Variants in ENTREP2 observed in about 807,000 individuals in gnomAD.
The protein encoded by ENTREP2 is endosomal transmembrane epsin interactor 2, also known as protein ENTREP2.
chr15:29,422,543 T>A, the ENTREP2 span, among the ~76,000 whole-genome samples: 108,683 of 152,066 alleles, frequency 0.71, 39,014 homozygotes, highest in East Asian at 0.89. Context: ...TAAATAAGGG[T>A]AGAGTACAAG....
chr15:29,369,706 G>A, the ENTREP2 span, among the ~76,000 whole-genome samples: 1 of 152,174 alleles, frequency 6.6e-6, no homozygotes, highest in African/African-American at 2.4e-5. Context: ...CTACATGGAT[G>A]CTATGGTTTG....
the ENTREP2 span, among the ~76,000 whole-genome samples, chr15:29,600,902 C>CTTTTTTTTTTTTTTT: frequency 1.6e-5 from 2 of 123,624 alleles, no homozygotes; most frequent in African/African-American, 7.2e-5. Flanking sequence ...ATTTTTCTTT[C>CTTTTTTTTTTTTTTT]TTTTTTTTTT....
chr15:29,200,960 T>C, the ENTREP2 span, among the ~76,000 whole-genome samples: 1 of 152,216 alleles, frequency 6.6e-6, no homozygotes, highest in Non-Finnish European at 1.5e-5. Context: ...GTTTTCAGTG[T>C]ATGTTTTGTT....
At chr15:29,148,731 G>A in the ENTREP2 span, among the ~76,000 whole-genome samples, 13 of 152,152 alleles carry the variant, frequency 8.5e-5, no homozygotes, top group African/African-American at 2.7e-4. Context: ...TCAGTCTGCT[G>A]TGTGGAGTGC....
chr15:29,559,558 C>A, the ENTREP2 span, among the ~76,000 whole-genome samples: 3 of 152,112 alleles, frequency 2.0e-5, no homozygotes, highest in Admixed American at 6.6e-5. Context: ...GGGTCACAAG[C>A]CTCGATCCTC....
chr15:29,570,384 C>T, the ENTREP2 span: 3 of 521,182 alleles, frequency 5.8e-6, no homozygotes, highest in Non-Finnish European at 5.7e-6. Flanking sequence ...TGCAGCTACT[C>T]GGCCCCGGCG....
chr15:29,310,358 A>AC, the ENTREP2 span, among the ~76,000 whole-genome samples: 6 of 152,064 alleles, frequency 3.9e-5, no homozygotes, highest in Non-Finnish European at 7.4e-5. Flanking sequence ...CAACCAAGAA[A>AC]GAAAGGGCCA....
the ENTREP2 span, among the ~76,000 whole-genome samples, chr15:29,396,766 ATT>A: frequency 6.6e-6 from 1 of 152,156 alleles, no homozygotes; most frequent in Non-Finnish European, 1.5e-5. Flanking sequence ...TCTTTAATCC[ATT>A]TTGAGTTAAT....
chr15:29,286,251 T>C, the ENTREP2 span, among the ~76,000 whole-genome samples: 1 of 152,202 alleles, frequency 6.6e-6, no homozygotes, highest in South Asian at 2.1e-4. Flanking sequence ...TATTTTCAAA[T>C]GATGTGATTC....
the ENTREP2 span, among the ~76,000 whole-genome samples, chr15:29,284,338 A>C: frequency 6.6e-6 from 1 of 152,084 alleles, no homozygotes; most frequent in Non-Finnish European, 1.5e-5. Flanking sequence ...TGGGCAGATC[A>C]CTTGAGGTCA....
chr15:29,659,328 A>G, the ENTREP2 span, among the ~76,000 whole-genome samples: 1 of 152,052 alleles, frequency 6.6e-6, no homozygotes, highest in African/African-American at 2.4e-5. Flanking sequence ...AAAATTAGCC[A>G]GGTGTGGTGG....
chr15:29,410,464 C>T, the ENTREP2 span, among the ~76,000 whole-genome samples: 24 of 151,938 alleles, frequency 1.6e-4, no homozygotes, highest in East Asian at 5.9e-4. Context: ...CTTGAGGCGA[C>T]GGGTCTCGGG....
the ENTREP2 span, among the ~76,000 whole-genome samples, chr15:29,204,439 G>C: frequency 3.9e-5 from 6 of 152,172 alleles, no homozygotes; most frequent in African/African-American, 1.4e-4. Context: ...CAGAGGGCTG[G>C]GAAGAGGCTG....
chr15:29,319,091 A>G, the ENTREP2 span, among the ~76,000 whole-genome samples: 1 of 152,210 alleles, frequency 6.6e-6, no homozygotes, highest in South Asian at 2.1e-4. Flanking sequence ...CTGCATACTC[A>G]AACCAAGGCA....
the ENTREP2 span, among the ~76,000 whole-genome samples, chr15:29,402,151 T>C: frequency 6.6e-6 from 1 of 152,082 alleles, no homozygotes. Flanking sequence ...AAGGATTATG[T>C]ATTTTGGAAA....
chr15:29,398,880 G>C, the ENTREP2 span, among the ~76,000 whole-genome samples: 41 of 152,274 alleles, frequency 2.7e-4, no homozygotes, highest in African/African-American at 9.9e-4. Context: ...TATGTGATTA[G>C]GTTACGCTGC....
the ENTREP2 span, among the ~76,000 whole-genome samples, chr15:29,377,377 G>A: frequency 0.041 from 6,189 of 152,030 alleles, 276 homozygotes; most frequent in African/African-American, 0.11. Context: ...TACCACCCAC[G>A]GCATCTGTGT....
At chr15:29,190,605 G>A in the ENTREP2 span, among the ~76,000 whole-genome samples, 1 of 152,180 alleles carries the variant, frequency 6.6e-6, no homozygotes, top group Non-Finnish European at 1.5e-5. Flanking sequence ...GGAAGGAGGG[G>A]AGGGTGCCTG....
At chr15:29,278,912 G>A in the ENTREP2 span, among the ~76,000 whole-genome samples, 2 of 152,210 alleles carry the variant, frequency 1.3e-5, no homozygotes, top group East Asian at 3.9e-4. Flanking sequence ...CTGAGATCAA[G>A]GAGTCGGCAT....
Sources: allele counts gnomAD v4.1 joint callset (sites outside exome capture counted in the v4.1 genomes callset), GRCh38; gene constraint gnomAD v4.1.1; transcripts MANE v1.5; gene names NCBI Gene and HGNC (gene_info 2026-07-23, HGNC 2026-07-21).